PDK1: variants seen among roughly 807,000 people sequenced by gnomAD.
PDK1 encodes the protein [Pyruvate dehydrogenase (acetyl-transferring)] kinase isozyme 1, mitochondrial.
PDK1 carries 39 observed loss-of-function variants against 54.2 expected under a neutral mutation model. The ratio of observed to expected loss-of-function variants is 0.72; its 90% CI spans 0.56 to 0.94. The LOEUF (loss-of-function observed/expected upper bound fraction) is 0.94, where lower values mean the gene tolerates loss of function less well. Ranked by LOEUF, PDK1 falls within the 40% of genes least tolerant of loss-of-function variation. The pLI is 0.00. For synonymous variants in PDK1, 221 were observed against 207.1 expected (o/e 1.07, Z -0.58); for missense variants, 552 against 566.0 (o/e 0.98, Z 0.25).
intron 6 of PDK1, 103 bp downstream of exon 6, chr2:172,567,036 G>A (rs1452191748): frequency 4.1e-6 from 3 of 733,494 alleles, no homozygotes; most frequent in African/African-American, 1.8e-5. Flanking sequence ...TATCAACTTC[G>A]TTGGATATGA....
chr2:172,699,436 T>A, the PDK1 span, among the ~76,000 whole-genome samples: 1 of 151,962 alleles, frequency 6.6e-6, no homozygotes, highest in Non-Finnish European at 1.5e-5. Flanking sequence ...TCGTTCATAT[T>A]TTTTTTGAAG....
chr2:172,688,121 C>G, the PDK1 span, among the ~76,000 whole-genome samples: 2 of 152,234 alleles, frequency 1.3e-5, no homozygotes, highest in African/African-American at 2.4e-5. Context: ...AGAGGACACA[C>G]TGCCATAGAG....
At chr2:172,587,042 C>T (rs1690268426) in intron 9 of PDK1, among the ~76,000 whole-genome samples, 1 of 152,096 alleles carries the variant, frequency 6.6e-6, no homozygotes, top group Non-Finnish European at 1.5e-5. Context: ...CTGACATTTC[C>T]AGTAGAGTTA....
chr2:172,714,601 T>C, the PDK1 span, among the ~76,000 whole-genome samples: 44,061 of 143,922 alleles, frequency 0.31, 7,827 homozygotes, highest in Non-Finnish European at 0.43. Context: ...AACAAATAAA[T>C]GTATTATTAA....
chr2:172,589,021 C>G (rs1194049789), intron 9 of PDK1, among the ~76,000 whole-genome samples: 1 of 152,196 alleles, frequency 6.6e-6, no homozygotes, highest in Non-Finnish European at 1.5e-5. Flanking sequence ...AGCTTACTTT[C>G]AGATGGTGAT....
At chr2:172,585,961 C>T (rs548825137) in intron 8 of PDK1, among the ~76,000 whole-genome samples, 8 of 152,070 alleles carry the variant, frequency 5.3e-5, no homozygotes, top group South Asian at 4.2e-4. Flanking sequence ...GTCAGGAGAA[C>T]GAGACCATTC....
the PDK1 span, among the ~76,000 whole-genome samples, chr2:172,619,973 T>C: frequency 0.017 from 2,622 of 152,266 alleles, 78 homozygotes; most frequent in African/African-American, 0.06. Context: ...GAGACCAGCC[T>C]GGCCAACATG....
rs771405912 is a variant in PDK1, at chr2:172,562,785, T to C, written c.410+494T>C. On this transcript the variant is annotated intron_variant, in intron 3 of 10. Transcript: ENST00000282077. Reference sequence around the variant, plus strand: ...TTGCAGGTCTCTAGTTTATGCTGTATGGCCTGCAAGATGATGTAAGTAATA... The same window carrying C: ...TTGCAGGTCTCTAGTTTATGCTGTACGGCCTGCAAGATGATGTAAGTAATA... The C allele has an allele frequency of 5.5e-5, 88 of 1,611,348 alleles. 1 individual carries two copies. The highest frequency in any genetic ancestry group is 7.5e-5 in the Non-Finnish European group (88 of 1,178,732).
chr2:172,621,701 TTATA>T, the PDK1 span, among the ~76,000 whole-genome samples: 5 of 146,742 alleles, frequency 3.4e-5, no homozygotes, highest in African/African-American at 4.9e-5. Context: ...ATATATATGT[TTATA>T]TATCAAACAT....
At chr2:172,632,442 GT>G in the PDK1 span, among the ~76,000 whole-genome samples, 2 of 152,214 alleles carry the variant, frequency 1.3e-5, no homozygotes, top group South Asian at 4.1e-4. Context: ...ATTTTAGTGA[GT>G]TTTTTTGGTA....
chr2:172,568,674 GT>G (rs1689091082), intron 6 of PDK1, 66 bp from the exon 7 acceptor site: 3 of 977,728 alleles, frequency 3.1e-6, no homozygotes, highest in Non-Finnish European at 5.0e-6. Flanking sequence ...TCACTACACA[GT>G]TTATTCTTAA....
chr2:172,644,853 G>A, the PDK1 span, among the ~76,000 whole-genome samples: 1 of 152,118 alleles, frequency 6.6e-6, no homozygotes, highest in Non-Finnish European at 1.5e-5. Flanking sequence ...TAGCCTCACA[G>A]AGCCCAGGTT....
chr2:172,642,913 T>A, the PDK1 span, among the ~76,000 whole-genome samples: 12 of 152,096 alleles, frequency 7.9e-5, no homozygotes, highest in African/African-American at 2.9e-4. Context: ...TTCTCCTCTT[T>A]CTCCTACTCC....
intron 8 of PDK1, among the ~76,000 whole-genome samples, chr2:172,574,694 A>C (rs1008437695): frequency 1.3e-5 from 2 of 152,132 alleles, no homozygotes; most frequent in Non-Finnish European, 2.9e-5. Flanking sequence ...TTGTAATGGA[A>C]TTGTTCTATT....
chr2:172,697,443 T>C, the PDK1 span, among the ~76,000 whole-genome samples: 1 of 152,232 alleles, frequency 6.6e-6, no homozygotes, highest in African/African-American at 2.4e-5. Flanking sequence ...GTATTTCTTA[T>C]GTGGCTGTTG....
At chr2:172,648,958 C>G in the PDK1 span, among the ~76,000 whole-genome samples, 3 of 152,194 alleles carry the variant, frequency 2.0e-5, no homozygotes, top group African/African-American at 7.2e-5. Flanking sequence ...CTTAAACATC[C>G]CTGTCTGACA....
chr2:172,711,655 A>G, the PDK1 span, among the ~76,000 whole-genome samples: 1 of 152,078 alleles, frequency 6.6e-6, no homozygotes, highest in Admixed American at 6.5e-5. Flanking sequence ...CCTTGAGTCC[A>G]GGAACTCGAG....
chr2:172,677,544 C>G, the PDK1 span: 1 of 152,186 alleles, frequency 6.6e-6, no homozygotes, highest in Admixed American at 6.5e-5. Context: ...GCAACTTGCT[C>G]TGGATTGCAG....
chr2:172,564,450 A>T, intron 3 of PDK1, 53 bp from the exon 4 acceptor site: 1 of 1,432,684 alleles, frequency 7.0e-7, no homozygotes, highest in Admixed American at 1.9e-5. Context: ...ATATTTTTGT[A>T]TTAAGTTTAC....
Sources: gnomAD v4.1 joint callset for allele counts (sites outside exome capture counted in the v4.1 genomes callset) on GRCh38, gnomAD v4.1.1 for gene constraint, MANE v1.5 for transcripts, NCBI Gene and HGNC (gene_info 2026-07-23, HGNC 2026-07-21) for gene names.